EPS8: variants seen among roughly 807,000 people sequenced by gnomAD.
The protein encoded by EPS8 is epidermal growth factor receptor kinase substrate 8.
A neutral mutation model predicts 103.8 loss-of-function variants in EPS8; 42 were observed. That is an observed-to-expected ratio of 0.40 (90% CI 0.32 to 0.52). The LOEUF (loss-of-function observed/expected upper bound fraction) is 0.52, where lower values mean the gene tolerates loss of function less well. Ranked by LOEUF, EPS8 falls within the 20% of genes least tolerant of loss-of-function variation. EPS8 has a pLI of 0.40. For missense variants in EPS8, 969 were observed against 1,005.1 expected (o/e 0.96, Z 0.49); for synonymous variants, 344 against 344.6 (o/e 1.00, Z 0.02).
chr12:15,682,683 T>C (rs1946028137), intron 2 of EPS8, among the ~76,000 whole-genome samples: 1 of 152,204 alleles, frequency 6.6e-6, no homozygotes, highest in South Asian at 2.1e-4. Context: ...TCAATATCAT[T>C]ATCATAAGGC....
At chr12:15,641,898 T>C in intron 15 of EPS8, 68 bp from the exon 16 acceptor site, 1 of 773,112 alleles carries the variant, frequency 1.3e-6, no homozygotes, top group Non-Finnish European at 2.0e-6. Context: ...TGGAAAACAC[T>C]GAGACAAGCC....
intron 17 of EPS8, among the ~76,000 whole-genome samples, chr12:15,640,474 T>A (rs1489360813): frequency 6.6e-6 from 1 of 152,126 alleles, no homozygotes; most frequent in Non-Finnish European, 1.5e-5. Context: ...GAGAATCAGG[T>A]ACCTACTGCT....
intron 1 of EPS8, among the ~76,000 whole-genome samples, chr12:15,746,925 T>C (rs1214752969): frequency 2.6e-5 from 4 of 152,184 alleles, no homozygotes; most frequent in African/African-American, 9.7e-5. Flanking sequence ...TAACTAGTTC[T>C]TCTTATAAAA....
chr12:15,632,625 CA>C (rs1221300404), intron 17 of EPS8, among the ~76,000 whole-genome samples: 1 of 152,100 alleles, frequency 6.6e-6, no homozygotes, highest in Non-Finnish European at 1.5e-5. Flanking sequence ...ATATTACATG[CA>C]AAAAGACCTT....
At chr12:15,655,786 G>A (rs10846226) in intron 12 of EPS8, among the ~76,000 whole-genome samples, 120,228 of 151,998 alleles carry the variant, frequency 0.79, 53,161 homozygotes, top group Non-Finnish European at 0.97. Context: ...CTGTGGCTAC[G>A]CTCGTGTGTA....
At position 15,784,607 on chromosome 12, in the gene EPS8, A is replaced by G. The variant is rs1312486581; in HGVS notation, c.-22+4554T>C. 6.6e-6 allele frequency among the ~76,000 whole-genome samples: 1 copy of G among 152,172 alleles called. No homozygotes were observed. The highest frequency in any genetic ancestry group is 2.4e-5 in the African/African-American group (1 of 41,454). ...TTCTTACAAAGCTAACCATAATCTT[A>G]CCACAGGATCCAGCAATCGCACTTC... On this transcript the variant is annotated intron_variant, in intron 1 of 20. Transcript: ENST00000281172. This position sits in a 1 kb window ranked among gnomAD's most constrained non-coding sequence, Gnocchi z 4.0.
chr12:15,770,405 TGCTAAA>T (rs1565537578), intron 1 of EPS8, among the ~76,000 whole-genome samples: 1 of 152,118 alleles, frequency 6.6e-6, no homozygotes, highest in Non-Finnish European at 1.5e-5. Context: ...AAAAACAATG[TGCTAAA>T]GCGTGTTTTT....
At chr12:15,647,334 A>T in intron 14 of EPS8, 74 bp from the exon 15 acceptor site, 3 of 1,308,552 alleles carry the variant, frequency 2.3e-6, no homozygotes, top group Admixed American at 4.1e-5. Context: ...AGTCAACAAG[A>T]TCTCTCAACT....
In EPS8 at chr12:15,757,434, T is replaced by C. The variant is rs1946997506; in HGVS notation, c.-22+31727A>G. ...TCACAAAGTCAGGAGATCGAGACCA[T>C]CCTGGCCAACACGGTGAAACCTCAT... On this transcript the variant is annotated intron_variant, in intron 1 of 20. Transcript: ENST00000281172. This position sits in a 1 kb window ranked among gnomAD's most constrained non-coding sequence, Gnocchi z 4.1. 6.6e-6 allele frequency among the ~76,000 whole-genome samples: 1 copy of C among 151,898 alleles called. No homozygotes were observed. The highest frequency in any genetic ancestry group is 6.6e-5 in the Admixed American group (1 of 15,236).
chr12:15,624,022 A>T (rs1028444112), intron 19 of EPS8, among the ~76,000 whole-genome samples: 3 of 152,182 alleles, frequency 2.0e-5, no homozygotes, highest in Non-Finnish European at 2.9e-5. Context: ...CAATTCGAAA[A>T]TGGGGTGGCA....
intron 17 of EPS8, among the ~76,000 whole-genome samples, chr12:15,640,037 A>AGATGTTAGG (rs1157521454): frequency 8.5e-5 from 13 of 152,326 alleles, no homozygotes; most frequent in African/African-American, 3.1e-4. Flanking sequence ...AAGTTAATTC[A>AGATGTTAGG]GATGTTAGGG....
chr12:15,707,155 C>T (rs1435897323), intron 1 of EPS8, among the ~76,000 whole-genome samples: 1 of 152,148 alleles, frequency 6.6e-6, no homozygotes. Flanking sequence ...ATCCAATTTC[C>T]TAAAAGGGAA....
rs1055584128 is a variant in EPS8 at position 15,731,106 on chromosome 12, T to C, written c.-21-48134A>G. 1.3e-5 allele frequency among the ~76,000 whole-genome samples: 2 copies of C among 152,186 alleles called. No individual in the cohort carries two copies. The highest frequency in any genetic ancestry group is 2.9e-5 in the Non-Finnish European group (2 of 68,022). ...CTTAAAGGCATATCTATATATGACA[T>C]AGAAATTCATCTTTTTTAGATAGAA... On this transcript the variant is annotated intron_variant, in intron 1 of 20. Transcript: ENST00000281172. The surrounding 1 kb of genome is among the most constrained non-coding windows in gnomAD (Gnocchi z 5.1).
chr12:15,683,929 T>C (rs906742511), intron 1 of EPS8: 10 of 152,194 alleles, frequency 6.6e-5, no homozygotes, highest in African/African-American at 2.4e-4. Context: ...AGGCAGGACA[T>C]ACCCCAGCTT....
At chr12:15,647,546 G>A (rs1945341229) in intron 14 of EPS8, among the ~76,000 whole-genome samples, 1 of 152,180 alleles carries the variant, frequency 6.6e-6, no homozygotes, top group South Asian at 2.1e-4. Context: ...TGAACCCTAT[G>A]CATTAAAATT....
rs1160234597 is a variant in EPS8 at position 15,789,347 on chromosome 12, C to A, written c.-208G>T. 1 of 152,384 alleles carries A rather than the reference C, an allele frequency of 6.6e-6. No homozygotes were observed. The highest frequency in any genetic ancestry group is 1.5e-5 in the Non-Finnish European group (1 of 68,208). 9.4% of individuals were successfully genotyped at this position (152,384 alleles called of 1,614,324 possible). A position where few individuals can be genotyped will look rare whatever the true frequency, so the allele number is the denominator to read the frequency against. The stretch of plus-strand genomic sequence containing the variant: ...CGAGGCGAGCACAGCGCCGGCCTCG[C>A]GCCGGGCGAGACCGCCTCGCTAGCT... On this transcript the variant is annotated 5_prime_UTR_variant, in exon 1 of 21. Coordinates refer to ENST00000281172, the MANE Select transcript of EPS8 (RefSeq NM_004447.6). This position sits in a 1 kb window ranked among gnomAD's most constrained non-coding sequence, Gnocchi z 6.1.
rs60107759 is a variant in EPS8 at position 15,701,125 on chromosome 12, T to A, written c.-21-18153A>T. Among the ~76,000 whole-genome samples the A allele has an allele frequency of 6.6e-6, 1 of 152,256 alleles. No homozygotes were observed. Among genetic ancestry groups the A allele is most frequent in the African/African-American group, 2.4e-5 (1 of 41,474 alleles). On this transcript the variant is annotated intron_variant, in intron 1 of 20. Coordinates refer to ENST00000281172, the MANE Select transcript of EPS8 (RefSeq NM_004447.6). The surrounding 1 kb of genome is among the most constrained non-coding windows in gnomAD (Gnocchi z 5.1). ...TTTGGCTTCAAAATAGTCACTTTTT[T>A]AAAAGGTAATTCTTTTCTCTCTCTG...
intron 12 of EPS8, among the ~76,000 whole-genome samples, chr12:15,657,611 T>G (rs1284809764): frequency 1.3e-5 from 2 of 152,158 alleles, no homozygotes; most frequent in African/African-American, 4.8e-5. Flanking sequence ...GTAGAACCAG[T>G]GCATAAATGA....
At chr12:15,686,907 T>A (rs1946103124) in intron 1 of EPS8, among the ~76,000 whole-genome samples, 1 of 152,162 alleles carries the variant, frequency 6.6e-6, no homozygotes, top group African/African-American at 2.4e-5. Context: ...CAGATTTTTT[T>A]ATCTACAGAA....
Sources: gnomAD v4.1 joint callset for allele counts (sites outside exome capture counted in the v4.1 genomes callset) on GRCh38, gnomAD v4.1.1 for gene constraint, Gnocchi (gnomAD v3.1) non-coding constraint, MANE v1.5 for transcripts, NCBI Gene and HGNC (gene_info 2026-07-23, HGNC 2026-07-21) for gene names.